Variants in ICE2 observed in about 807,000 individuals in gnomAD.
ICE2 encodes interactor of little elongation complex ELL subunit 2.
ICE2 carries 87 observed loss-of-function variants against 105.4 expected under a neutral mutation model. The ratio of observed to expected loss-of-function variants is 0.83; its 90% CI spans 0.69 to 0.99. ICE2 has a LOEUF of 0.99. ICE2 is among the 50% of genes least tolerant of loss of function. The pLI, the probability that ICE2 is intolerant of heterozygous loss-of-function variation, is 0.00. For synonymous variants in ICE2, 399 were observed against 392.0 expected (o/e 1.02, Z -0.21); for missense variants, 1,323 against 1,146.7 (o/e 1.15, Z -2.22).
rs2064026898 is a variant in ICE2 at position 60,453,758 on chromosome 15, T to C, written c.970A>G (p.Ile324Val). The C allele has an allele frequency of 1.3e-6, 2 of 1,583,350 alleles. No homozygotes were observed. Among genetic ancestry groups the C allele is most frequent in the Non-Finnish European group, 1.7e-6 (2 of 1,152,370 alleles). ...TTCTTTTGGGGAAGTGGTGAATTAA[T>C]ATATATTACTTTAACTGGTTTTGAA... Reference protein sequence around the residue: ...AGSKPVKVIYINSPLPQKKMT... With the variant: ...AGSKPVKVIYVNSPLPQKKMT... The change falls in exon 9 of 16, where the codon ATT (isoleucine) becomes GTT (valine). Residue 324 changes from isoleucine (I) to valine (V), a missense_variant. By Grantham distance (29) the Ile-to-Val change is conservative. Coordinates refer to ENST00000261520, the MANE Select transcript of ICE2 (RefSeq NM_024611.6).
At position 60,442,323 on chromosome 15, in the gene ICE2, A is replaced by G. The variant is rs1021386307; in HGVS notation, c.2425+93T>C. The G allele has an allele frequency of 1.1e-5, 13 of 1,195,316 alleles. No homozygotes were observed. The African/African-American group carries it at 1.6e-4, about 14-fold the overall frequency. The allele number at this position is 1,195,316 out of a possible 1,614,324, so 74.0% of individuals were successfully genotyped here. ...AATACATAAATAAAAACGAAAGTAA[A>G]AAAGGGCAGAATAGAAGTATTCACA... On this transcript the variant is annotated intron_variant, in intron 12 of 15. Transcript: ENST00000261520.
Position 60,428,471 on chromosome 15 carries a change from A to G in ICE2, c.2778T>C (p.Cys926=). ...PYHIHHGRIP[C]TFPPKSLDTT... ...TATCCAGTGATTTCGGTGGAAAAGTACAAGGTATTCTTCCATGATGGATAT... is the reference window on the plus strand; with the variant it reads ...TATCCAGTGATTTCGGTGGAAAAGTGCAAGGTATTCTTCCATGATGGATAT... The change falls in exon 15 of 16, where the codon TGT becomes TGC. Residue 926 remains cysteine (C), a synonymous_variant. Transcript: ENST00000261520. The G allele has an allele frequency of 6.2e-7, 1 of 1,614,166 alleles. No homozygotes were observed. The highest frequency in any genetic ancestry group is 8.5e-7 in the Non-Finnish European group (1 of 1,180,004).
chr15:60,467,274 T>A (rs1161738965), intron 4 of ICE2, among the ~76,000 whole-genome samples: 3 of 152,086 alleles, frequency 2.0e-5, no homozygotes, highest in Non-Finnish European at 2.9e-5. Flanking sequence ...CAATTTTTTT[T>A]AAAAAGACAT....
intron 12 of ICE2, among the ~76,000 whole-genome samples, chr15:60,437,098 TA>T (rs1361310808): frequency 6.6e-6 from 1 of 151,228 alleles, no homozygotes; most frequent in East Asian, 2.0e-4. Flanking sequence ...ACTAAAAACA[TA>T]AAAAAATTAG....
rs2063249559 is a variant in ICE2, at chr15:60,422,298, A to G, written c.*1336T>C. ...CAGGCACACCCCACCACACCCGGCT[A>G]ACTTTTTTATTTGTAGAGATGAGGT... is the stretch of plus-strand genomic sequence containing the variant. On this transcript the variant is annotated 3_prime_UTR_variant, in exon 16 of 16. Coordinates refer to ENST00000261520, the MANE Select transcript of ICE2 (RefSeq NM_024611.6). 1 of 151,896 alleles carries G rather than the reference A, an allele frequency of 6.6e-6. No individual in the cohort carries two copies. The highest frequency in any genetic ancestry group is 2.4e-5 in the African/African-American group (1 of 41,356). The allele number at this position is 151,896 out of a possible 1,614,324, so 9.4% of individuals were successfully genotyped here. A position where few individuals can be genotyped will look rare whatever the true frequency, so the allele number is the denominator to read the frequency against.
chr15:60,473,632 T>C (rs1237712188), intron 3 of ICE2, among the ~76,000 whole-genome samples: 1 of 152,162 alleles, frequency 6.6e-6, no homozygotes, highest in East Asian at 1.9e-4. Context: ...ATATGTTCTC[T>C]AAATCCCAGG....
chr15:60,435,424 A>G (rs997820421), intron 13 of ICE2, among the ~76,000 whole-genome samples: 6 of 151,652 alleles, frequency 4.0e-5, no homozygotes, highest in African/African-American at 1.5e-4. Flanking sequence ...ATATGGAGAA[A>G]CCCTGTCTCT....
intron 15 of ICE2, among the ~76,000 whole-genome samples, chr15:60,424,211 G>A (rs1407314235): frequency 1.3e-5 from 2 of 151,468 alleles, no homozygotes; most frequent in African/African-American, 2.4e-5. Context: ...AAACAAGAAA[G>A]ATAATAAGAA....
chr15:60,467,578 A>C (rs2064466094), intron 4 of ICE2, among the ~76,000 whole-genome samples: 1 of 152,226 alleles, frequency 6.6e-6, no homozygotes, highest in South Asian at 2.1e-4. Context: ...ACAGAGGTAC[A>C]AACAAACTGG....
intron 15 of ICE2, among the ~76,000 whole-genome samples, chr15:60,424,831 T>A (rs1047190245): frequency 6.6e-6 from 1 of 152,264 alleles, no homozygotes; most frequent in Non-Finnish European, 1.5e-5. Context: ...TAATACAGAA[T>A]CCCTTGCTAT....
chr15:60,449,222 G>A lies in ICE2; in HGVS notation c.1745C>T (p.Thr582Ile), dbSNP rs1403416609. ...DTDEECLIID[T>I]ECKNNSDGKT... ...TCCATCACTATTATTTTTACATTCT[G>A]TATCAATGATTAAACACTCCTCATC... The change falls in exon 10 of 16, where the codon ACA becomes ATA. Residue 582 changes from threonine to isoleucine, a missense_variant. Physicochemically the swap from Thr to Ile is moderately conservative, Grantham distance 89. Transcript: ENST00000261520. 3 of 1,613,834 alleles carry A rather than the reference G, an allele frequency of 1.9e-6. No individual in the cohort carries two copies. The highest frequency in any genetic ancestry group is 2.5e-6 in the Non-Finnish European group (3 of 1,180,004).
intron 11 of ICE2, among the ~76,000 whole-genome samples, chr15:60,445,016 C>A (rs1425897400): frequency 6.6e-6 from 1 of 152,106 alleles, no homozygotes; most frequent in Admixed American, 6.5e-5. Flanking sequence ...TCACTTGAGA[C>A]TGGCTGATGT....
intron 9 of ICE2, chr15:60,451,281 A>G: frequency 2.9e-6 from 2 of 696,272 alleles, no homozygotes; most frequent in South Asian, 6.5e-5. Context: ...AACAGACTAC[A>G]AAGATACACT....
rs766072744 is a variant in ICE2 at position 60,453,642 on chromosome 15, G to A, written c.1086C>T (p.Val362=). The A allele has an allele frequency of 2.5e-6, 4 of 1,613,186 alleles. No individual in the cohort carries two copies. The South Asian group carries it at 3.3e-5, about 13-fold the overall frequency. The change falls in exon 9 of 16, where the codon GTC becomes GTT. Residue 362 remains valine, a synonymous_variant. Transcript: ENST00000261520. ...TAAACTCTTCAGGTTTGTCCATAAA[G>A]ACTGCAGAGACTGGAACAGATGTGT... ...SKNTSVPVSA[V]FMDKPEEFIS...
intron 14 of ICE2, 85 bp downstream of exon 14, chr15:60,431,849 C>T (rs1446118994): frequency 3.5e-5 from 26 of 733,534 alleles, no homozygotes; most frequent in Non-Finnish European, 5.6e-5. Context: ...TGTCTCTATT[C>T]CTAACAGTAC....
chr15:60,445,661 C>T, intron 11 of ICE2: 1 of 985,056 alleles, frequency 1.0e-6, no homozygotes, highest in Non-Finnish European at 1.2e-6. Context: ...TTACAAATTT[C>T]ACCTTAGTCA....
At chr15:60,477,828 T>C in intron 2 of ICE2, 109 bp downstream of exon 2, 1 of 982,382 alleles carries the variant, frequency 1.0e-6, no homozygotes, top group Non-Finnish European at 1.6e-6. Flanking sequence ...CCTAAACTTG[T>C]ATTTTCTGTT....
chr15:60,456,826 G>A, intron 5 of ICE2, 32 bp from the exon 6 acceptor site: 1 of 1,378,018 alleles, frequency 7.3e-7, no homozygotes, highest in Non-Finnish European at 9.7e-7. Context: ...AAATTCATTT[G>A]TATTTCTCTA....
In ICE2 at chr15:60,449,859, G is replaced by A; in HGVS notation, c.1126-18C>T. The A allele has an allele frequency of 6.3e-7, 1 of 1,582,910 alleles. No homozygotes were observed. Among genetic ancestry groups the A allele is most frequent in the East Asian group, 2.2e-5 (1 of 44,722 alleles). Reference sequence around the variant, plus strand: ...CAGGACATCTTATGTAAATAAATTGGTAAAGTATTAGTAAAAATTTCAAGC... The same window carrying A: ...CAGGACATCTTATGTAAATAAATTGATAAAGTATTAGTAAAAATTTCAAGC... On this transcript the variant is annotated intron_variant, in intron 9 of 15. Coordinates refer to ENST00000261520, the MANE Select transcript of ICE2 (RefSeq NM_024611.6).
Sources: gnomAD v4.1 joint callset for allele counts (sites outside exome capture counted in the v4.1 genomes callset) on GRCh38, gnomAD v4.1.1 for gene constraint, MANE v1.5 for transcripts, NCBI Gene and HGNC (gene_info 2026-07-23, HGNC 2026-07-21) for gene names.